ALDH1L2: variants seen among roughly 807,000 people sequenced by gnomAD.
The protein encoded by ALDH1L2 is aldehyde dehydrogenase 1 family member L2.
In ALDH1L2, 91 loss-of-function variants were observed where a neutral mutation model predicts 111.0. The observed-to-expected ratio is 0.82, with a 90% confidence interval of 0.69 to 0.98. ALDH1L2 has a LOEUF of 0.98. Ranked by LOEUF, ALDH1L2 falls within the 50% of genes least tolerant of loss-of-function variation. The probability of loss-of-function intolerance (pLI) is 0.00; values close to 1 mark genes in which losing one functional copy is unlikely to be tolerated. For synonymous variants in ALDH1L2, 374 were observed against 392.6 expected, an observed-to-expected ratio of 0.95 and a Z score of 0.56; for missense variants, 995 against 1,126.8, an observed-to-expected ratio of 0.88 and a Z score of 1.67.
At chr12:105,054,971 A>G (rs185971982) in intron 10 of ALDH1L2, among the ~76,000 whole-genome samples, 1 of 152,324 alleles carries the variant, frequency 6.6e-6, no homozygotes, top group East Asian at 1.9e-4. Context: ...CACAGCCACT[A>G]AAAAATGGCT....
chr12:105,034,267 A>G (rs1394968458), intron 19 of ALDH1L2, 33 bp downstream of exon 19: 2 of 1,602,464 alleles, frequency 1.2e-6, no homozygotes, highest in Admixed American at 1.7e-5. Flanking sequence ...CAAAATCTCT[A>G]AACAACTCAG....
Position 105,070,645 on chromosome 12 carries a change from T to C in ALDH1L2, c.353A>G (p.Asp118Gly). The C allele has an allele frequency of 1.2e-6, 2 of 1,614,166 alleles. No homozygotes were observed. The highest frequency in any genetic ancestry group is 1.7e-6 in the Non-Finnish European group (2 of 1,180,014). ...AATGATAGAGCCGTGCTTTGGACTA[T>C]CAATTATATCCATGGGAATGAACTG... ...CTQFIPMDII[D>G]SPKHGSIIYH... Residue 118 changes from aspartate (D) to glycine (G), a missense_variant, in exon 3 of 23, where the codon GAT becomes GGT. Coordinates refer to ENST00000258494, the MANE Select transcript of ALDH1L2 (RefSeq NM_001034173.4).
chr12:105,070,632 G>A lies in ALDH1L2; in HGVS notation c.366C>T (p.His122=), dbSNP rs137941460. ...TGGATGGGTGATAAATGATAGAGCC[G>A]TGCTTTGGACTATCAATTATATCCA... The part of the protein sequence containing the change: ...IPMDIIDSPK[H]GSIIYHPSIL... The change falls in exon 3 of 23, where the codon CAC becomes CAT. Residue 122 remains histidine (H), a synonymous_variant. Coordinates refer to ENST00000258494, the MANE Select transcript of ALDH1L2 (RefSeq NM_001034173.4). 2.4e-4 allele frequency: 392 copies of A among 1,614,092 alleles called. 2 individuals are homozygous for A. In the East Asian group the frequency reaches 6.6e-3, roughly 27 times the overall value.
At chr12:105,034,686 G>T (rs1256508768) in intron 18 of ALDH1L2, among the ~76,000 whole-genome samples, 2 of 152,070 alleles carry the variant, frequency 1.3e-5, no homozygotes, top group Non-Finnish European at 2.9e-5. Context: ...AACAAATTTT[G>T]TGTTAAAAGA....
chr12:105,026,439 A>G lies in ALDH1L2; in HGVS notation c.2716+106T>C, dbSNP rs1874412621. ...CCTTCTAAACCCAGATATAACTGCCATGTAGGAAATGCCCCTCAAAGTCAC... is the reference window on the plus strand; with the variant it reads ...CCTTCTAAACCCAGATATAACTGCCGTGTAGGAAATGCCCCTCAAAGTCAC... On this transcript the variant is annotated intron_variant, in intron 22 of 22. Coordinates refer to ENST00000258494, the MANE Select transcript of ALDH1L2 (RefSeq NM_001034173.4). The G allele has an allele frequency of 2.3e-6, 3 of 1,303,206 alleles. No homozygotes were observed. The South Asian group carries it at 4.0e-5, about 18-fold the overall frequency. The allele number at this position is 1,303,206 out of a possible 1,614,324, so 80.7% of individuals were successfully genotyped here.
rs906882605 is a variant in ALDH1L2 at position 105,022,822 on chromosome 12, C to T, written c.*1602G>A. 1 of 152,166 alleles carries T rather than the reference C, an allele frequency of 6.6e-6. No homozygotes were observed. The highest frequency in any genetic ancestry group is 6.5e-5 in the Admixed American group (1 of 15,276). The allele number at this position is 152,166 out of a possible 1,614,324, so 9.4% of individuals were successfully genotyped here. On this transcript the variant is annotated 3_prime_UTR_variant, in exon 23 of 23. Coordinates refer to ENST00000258494, the MANE Select transcript of ALDH1L2 (RefSeq NM_001034173.4). The stretch of plus-strand genomic sequence containing the variant: ...TTTTGTTGTTTAGTTTTTATTGATT[C>T]CCTACAATCCCCTCATGTTATTCTG...
chr12:105,068,911 A>G (rs761909613), intron 3 of ALDH1L2, 27 bp from the exon 4 acceptor site: 1 of 1,503,912 alleles, frequency 6.6e-7, no homozygotes, highest in Non-Finnish European at 8.9e-7. Context: ...TTCAATTTAA[A>G]ATGTTGGTTA....
intron 18 of ALDH1L2, among the ~76,000 whole-genome samples, chr12:105,037,790 A>T (rs10861314): frequency 6.7e-6 from 1 of 148,230 alleles, no homozygotes; most frequent in South Asian, 2.1e-4. Context: ...TTTGAGACGG[A>T]GTCTCACTCT....
chr12:105,053,201 A>G (rs73393835), intron 10 of ALDH1L2, among the ~76,000 whole-genome samples: 3,446 of 152,258 alleles, frequency 0.023, 81 homozygotes, highest in African/African-American at 0.056. Flanking sequence ...ATAAAAGGTA[A>G]CTCACAAGAC....
chr12:105,057,273 G>A (rs910819404), intron 10 of ALDH1L2, among the ~76,000 whole-genome samples: 2 of 152,086 alleles, frequency 1.3e-5, no homozygotes, highest in Non-Finnish European at 2.9e-5. Context: ...AAATATTGGC[G>A]AGGATATGGA....
intron 13 of ALDH1L2, 107 bp from the exon 14 acceptor site, chr12:105,047,076 T>C (rs1875968453): frequency 8.0e-7 from 1 of 1,254,810 alleles, no homozygotes; most frequent in Middle Eastern, 2.7e-4. Context: ...TTAGCTGATA[T>C]GAAAAGAGCG....
intron 14 of ALDH1L2, 40 bp downstream of exon 14, chr12:105,046,859 A>G: frequency 1.2e-6 from 2 of 1,613,422 alleles, no homozygotes; most frequent in South Asian, 1.1e-5. Flanking sequence ...TTCAAATAAC[A>G]CAACTCATGA....
In ALDH1L2 at chr12:105,022,216, G is replaced by A. The variant is rs1874198270; in HGVS notation, c.*2208C>T. ...TCAGCCAGATCTAAAAATGTAAGCT[G>A]GTAAGAAATGTTTAAAACTTGCTAT... On this transcript the variant is annotated 3_prime_UTR_variant, in exon 23 of 23. Coordinates refer to ENST00000258494, the MANE Select transcript of ALDH1L2 (RefSeq NM_001034173.4). The A allele has an allele frequency of 6.6e-6, 1 of 152,138 alleles. No homozygotes were observed. Among genetic ancestry groups the A allele is most frequent in the South Asian group, 2.1e-4 (1 of 4,828 alleles). The allele number at this position is 152,138 out of a possible 1,614,324, so 9.4% of individuals were successfully genotyped here. A position where few individuals can be genotyped will look rare whatever the true frequency, so the allele number is the denominator to read the frequency against.
chr12:105,048,706 C>T (rs559503914), intron 13 of ALDH1L2: 2 of 152,052 alleles, frequency 1.3e-5, no homozygotes, highest in African/African-American at 2.4e-5. Context: ...ATTTATTATT[C>T]CTGTATCTTT....
chr12:105,038,252 T>TCC, intron 17 of ALDH1L2, 50 bp from the exon 18 acceptor site: 1 of 807,750 alleles, frequency 1.2e-6, no homozygotes, highest in Non-Finnish European at 1.9e-6. Context: ...TCTCTCTCTC[T>TCC]CTCTCTCTCA....
Position 105,030,252 on chromosome 12 carries a change from T to C in ALDH1L2, c.2516+72A>G. 6 of 1,138,952 alleles carry C rather than the reference T, an allele frequency of 5.3e-6. 1 individual carries two copies. The South Asian group carries it at 7.1e-5, about 14-fold the overall frequency. The allele number at this position is 1,138,952 out of a possible 1,614,324, so 70.6% of individuals were successfully genotyped here. A position where few individuals can be genotyped will look rare whatever the true frequency, so the allele number is the denominator to read the frequency against. ...GTTCATTAATCTTATGCTGTGTATA[T>C]AGCACAGTGGCAAAGGGGAAAAATG... is the stretch of plus-strand genomic sequence containing the variant. On this transcript the variant is annotated intron_variant, in intron 21 of 22. Transcript: ENST00000258494.
At chr12:105,061,286 C>T (rs1876987853) in intron 8 of ALDH1L2, among the ~76,000 whole-genome samples, 1 of 152,134 alleles carries the variant, frequency 6.6e-6, no homozygotes, top group South Asian at 2.1e-4. Flanking sequence ...CCCATGTAAA[C>T]CTCCTCCACG....
At chr12:105,061,159 C>A in intron 8 of ALDH1L2, 87 bp from the exon 9 acceptor site, 3 of 1,127,158 alleles carry the variant, frequency 2.7e-6, no homozygotes, top group East Asian at 2.4e-5. Context: ...AACCAATTCC[C>A]TCTTCATCTT....
chr12:105,067,025 G>A (rs999053390), intron 4 of ALDH1L2, among the ~76,000 whole-genome samples: 1 of 151,966 alleles, frequency 6.6e-6, no homozygotes, highest in East Asian at 1.9e-4. Flanking sequence ...TCAGGAGATC[G>A]AGGCCACGGT....
Sources: gnomAD v4.1 joint callset for allele counts (sites outside exome capture counted in the v4.1 genomes callset) on GRCh38, gnomAD v4.1.1 for gene constraint, MANE v1.5 for transcripts, NCBI Gene and HGNC (gene_info 2026-07-23, HGNC 2026-07-21) for gene names.